WNT2B: variants seen among roughly 807,000 people sequenced by gnomAD.
WNT2B encodes the protein protein Wnt-2b.
In WNT2B, 19 loss-of-function variants were observed where a neutral mutation model predicts 40.5. That is an observed-to-expected ratio of 0.47 (90% CI 0.33 to 0.69). WNT2B has a LOEUF of 0.69. Among genes scored for constraint, WNT2B ranks in the 30% least tolerant of loss-of-function variants. The pLI is 0.02. For synonymous variants in WNT2B, 220 were observed against 211.9 expected, an observed-to-expected ratio of 1.04 and a Z score of -0.33; for missense variants, 467 against 556.4, an observed-to-expected ratio of 0.84 and a Z score of 1.62.
At chr1:112,501,927 A>C (rs1262049699) in intron 1 of WNT2B, among the ~76,000 whole-genome samples, 1 of 152,216 alleles carries the variant, frequency 6.6e-6, no homozygotes, top group Non-Finnish European at 1.5e-5. Context: ...TTCTTCGGGC[A>C]GAAACGCGGG....
intron 1 of WNT2B, 109 bp from the exon 2 acceptor site, chr1:112,514,765 G>A (rs933192190): frequency 1.1e-5 from 11 of 1,008,356 alleles, no homozygotes; most frequent in African/African-American, 1.6e-5. Context: ...GTTAGGGAGA[G>A]GGGACAGAAT....
chr1:112,493,235 C>T (rs996534420), intron 1 of WNT2B, among the ~76,000 whole-genome samples: 5 of 152,188 alleles, frequency 3.3e-5, no homozygotes, highest in African/African-American at 1.2e-4. Context: ...AATAGCACTA[C>T]GACGAAAGAA....
rs145091724 is a variant in WNT2B at position 112,503,566 on chromosome 1, CAG to C, written c.-94-11303_-94-11302del. ...ATGCACAGAGAGACGGAGAAAGCCA[CAG>C]AGAGTCAGAAACAACATGGAGAGAC... On this transcript the variant is annotated intron_variant, in intron 1 of 4. Transcript: ENST00000256640. 2.6e-3 allele frequency among the ~76,000 whole-genome samples: 390 copies of C among 152,064 alleles called. 2 individuals are homozygous for C. Among genetic ancestry groups the C allele is most frequent in the African/African-American group, 8.7e-3 (362 of 41,452 alleles).
chr1:112,468,833 G>A (rs1004310402), intron 1 of WNT2B, among the ~76,000 whole-genome samples: 8 of 151,996 alleles, frequency 5.3e-5, no homozygotes, highest in African/African-American at 7.2e-5. Context: ...TCTATTTTTC[G>A]TTTTGTTGCC....
At chr1:112,471,454 A>G (rs1175724218) in intron 1 of WNT2B, among the ~76,000 whole-genome samples, 2 of 152,290 alleles carry the variant, frequency 1.3e-5, no homozygotes, top group East Asian at 3.9e-4. Flanking sequence ...GTTCTCTCCT[A>G]GATGTTCTAT....
At chr1:112,507,707 TTG>T (rs1299088991), upstream of WNT2B, among the ~76,000 whole-genome samples, 1 of 152,086 alleles carries the variant, frequency 6.6e-6, no homozygotes, top group Non-Finnish European at 1.5e-5. Flanking sequence ...GAATTTGGAG[TTG>T]GGGGCATCGG....
Position 112,515,184 on chromosome 1 carries a change from C to A in WNT2B, c.403+90C>A. ...GAGTAGGCAAGATCTCCCCTCTCCT[C>A]TCCCACACACTGTTTCATCATCAGA... On this transcript the variant is annotated intron_variant, in intron 2 of 4. Coordinates refer to ENST00000369684, the MANE Select transcript of WNT2B (RefSeq NM_024494.3). The surrounding 1 kb of genome is among the most constrained non-coding windows in gnomAD (Gnocchi z 4.4). 1 of 1,376,236 alleles carries A rather than the reference C, an allele frequency of 7.3e-7. No individual in the cohort carries two copies. 85.3% of individuals were successfully genotyped at this position (1,376,236 alleles called of 1,614,324 possible).
At chr1:112,516,853 G>A (rs111802816) in intron 3 of WNT2B, among the ~76,000 whole-genome samples, 134 of 152,320 alleles carry the variant, frequency 8.8e-4, no homozygotes, top group African/African-American at 2.9e-3. Context: ...CACTGTCATC[G>A]TGAACAGAAT....
intron 1 of WNT2B, among the ~76,000 whole-genome samples, chr1:112,469,392 G>A (rs1266118784): frequency 6.6e-6 from 1 of 152,102 alleles, no homozygotes; most frequent in Non-Finnish European, 1.5e-5. Flanking sequence ...TTTTGATGGG[G>A]ATTGCGTTGA....
At chr1:112,513,626 C>T (rs187730516) in intron 1 of WNT2B, among the ~76,000 whole-genome samples, 40 of 152,344 alleles carry the variant, frequency 2.6e-4, no homozygotes, top group African/African-American at 8.4e-4. Context: ...CTTCTCCTCA[C>T]CCACTTCTAG....
At chr1:112,505,609 C>A (rs544933344), upstream of WNT2B, among the ~76,000 whole-genome samples, 1 of 152,358 alleles carries the variant, frequency 6.6e-6, no homozygotes, top group South Asian at 2.1e-4. Context: ...CAAGCCTTTG[C>A]GTGAGGAGCT....
intron 1 of WNT2B, among the ~76,000 whole-genome samples, chr1:112,496,200 G>A (rs535469202): frequency 2.2e-4 from 33 of 152,060 alleles, no homozygotes; most frequent in Non-Finnish European, 4.7e-4. Context: ...TGCAAGCCTC[G>A]ACCTCCTGGG....
chr1:112,503,006 G>A (rs1323718052), intron 1 of WNT2B, among the ~76,000 whole-genome samples: 4 of 152,138 alleles, frequency 2.6e-5, no homozygotes, highest in Non-Finnish European at 2.9e-5. Context: ...ATTGCTCTGC[G>A]CTGTGGGTGT....
At chr1:112,502,801 A>G (rs1652000103) in intron 1 of WNT2B, among the ~76,000 whole-genome samples, 1 of 152,188 alleles carries the variant, frequency 6.6e-6, no homozygotes, top group African/African-American at 2.4e-5. Flanking sequence ...GAGAGGCTAT[A>G]GAGAAGGAAA....
In WNT2B at chr1:112,519,876, T is replaced by C. The variant is rs1049539562; in HGVS notation, c.947-404T>C. Among the ~76,000 whole-genome samples, 48 of 147,404 alleles carry C rather than the reference T, an allele frequency of 3.3e-4. 2 individuals are homozygous for C. The South Asian group carries it at 1.0e-2, about 31-fold the overall frequency. ...ATGATGTCAGAGCCCATGCTTCTTT[T>C]TTTTTTTTTTTTTTTTGGAGACAGA... is the stretch of plus-strand genomic sequence containing the variant. On this transcript the variant is annotated intron_variant, in intron 4 of 4. Coordinates refer to ENST00000369684, the MANE Select transcript of WNT2B (RefSeq NM_024494.3).
intron 4 of WNT2B, chr1:112,517,741 T>G (rs1652631987): frequency 5.0e-6 from 1 of 201,982 alleles, no homozygotes. Flanking sequence ...CCCTAAGCCT[T>G]TGGCTCTTCG....
rs1226294616 is a variant in WNT2B, at chr1:112,486,057, C to A, written c.-95+18466C>A. On this transcript the variant is annotated intron_variant, in intron 1 of 4. Transcript: ENST00000256640. ...TTGTTGGGTTTGATTTGATAAAACA[C>A]CAGCTACTGGAAGGCTGGGAGGATT... is the stretch of plus-strand genomic sequence containing the variant. Among the ~76,000 whole-genome samples the A allele has an allele frequency of 2.0e-5, 3 of 150,976 alleles. No individual in the cohort carries two copies. The East Asian group carries it at 5.8e-4, about 29-fold the overall frequency.
chr1:112,498,867 A>G (rs2101071631), intron 1 of WNT2B, among the ~76,000 whole-genome samples: 1 of 152,268 alleles, frequency 6.6e-6, no homozygotes, highest in Non-Finnish European at 1.5e-5. Flanking sequence ...AAGTTTTTCC[A>G]TCATTCACTT....
chr1:112,489,391 TCTA>T (rs1454857475), intron 1 of WNT2B, among the ~76,000 whole-genome samples: 1 of 151,696 alleles, frequency 6.6e-6, no homozygotes, highest in Non-Finnish European at 1.5e-5. Flanking sequence ...AAAGCCCATC[TCTA>T]CTAAAAATAC....
Sources: allele counts gnomAD v4.1 joint callset (sites outside exome capture counted in the v4.1 genomes callset), GRCh38; gene constraint gnomAD v4.1.1; non-coding constraint Gnocchi (gnomAD v3.1); transcripts MANE v1.5; gene names NCBI Gene and HGNC (gene_info 2026-07-23, HGNC 2026-07-21).